Variants in CDH4 observed in about 807,000 individuals in gnomAD.
The protein encoded by CDH4 is cadherin-4.
In CDH4, 33 loss-of-function variants were observed where a neutral mutation model predicts 86.0. The observed-to-expected ratio is 0.38, with a 90% CI of 0.29 to 0.51. The LOEUF is 0.51. CDH4 is among the 20% of genes least tolerant of loss of function. The pLI is 0.86. For missense variants in CDH4, 1,114 were observed against 1,307.4 expected (o/e 0.85, Z 2.28); for synonymous variants, 555 against 549.4 (o/e 1.01, Z -0.14).
At chr20:61,797,317 G>T (rs763281826) in intron 4 of CDH4, among the ~76,000 whole-genome samples, 4 of 152,098 alleles carry the variant, frequency 2.6e-5, no homozygotes, top group Non-Finnish European at 4.4e-5. Flanking sequence ...GAAGGCTCAC[G>T]CCATCCACTG....
At chr20:61,882,275 C>T (rs886195133) in intron 7 of CDH4, among the ~76,000 whole-genome samples, 1 of 152,212 alleles carries the variant, frequency 6.6e-6, no homozygotes, top group African/African-American at 2.4e-5. Flanking sequence ...CAGGATGGCA[C>T]CATGACGTGA....
chr20:61,464,596 C>T (rs747494296), intron 2 of CDH4, among the ~76,000 whole-genome samples: 9 of 152,180 alleles, frequency 5.9e-5, no homozygotes, highest in Non-Finnish European at 1.2e-4. Flanking sequence ...TTGATTTGGG[C>T]AATTTTGGAC....
intron 2 of CDH4, among the ~76,000 whole-genome samples, chr20:61,693,434 G>A (rs955058817): frequency 6.6e-6 from 1 of 152,186 alleles, no homozygotes; most frequent in South Asian, 2.1e-4. Flanking sequence ...TTGAGCAAAG[G>A]TAATTCTGTG....
At chr20:61,725,335 G>A (rs972659108) in intron 2 of CDH4, among the ~76,000 whole-genome samples, 3 of 152,182 alleles carry the variant, frequency 2.0e-5, no homozygotes, top group Admixed American at 6.5e-5. Context: ...CAGTACACAC[G>A]CACATGCATA....
At chr20:61,787,526 G>A (rs1253066166) in intron 4 of CDH4, among the ~76,000 whole-genome samples, 2 of 152,142 alleles carry the variant, frequency 1.3e-5, no homozygotes, top group African/African-American at 2.4e-5. Flanking sequence ...AGGGATTATG[G>A]GAACTACAAT....
intron 2 of CDH4, among the ~76,000 whole-genome samples, chr20:61,567,456 G>A (rs1020981115): frequency 2.6e-5 from 4 of 152,274 alleles, no homozygotes; most frequent in Middle Eastern, 6.8e-3. Flanking sequence ...AAGGGGAGAG[G>A]GATCTCTCTG....
At chr20:61,884,468 G>T (rs1984442386) in intron 7 of CDH4, among the ~76,000 whole-genome samples, 1 of 152,156 alleles carries the variant, frequency 6.6e-6, no homozygotes, top group Non-Finnish European at 1.5e-5. Flanking sequence ...GTTTAAAGGG[G>T]TGAGCAGGGT....
intron 2 of CDH4, among the ~76,000 whole-genome samples, chr20:61,448,428 C>T (rs2085363762): frequency 6.6e-6 from 1 of 152,222 alleles, no homozygotes. Flanking sequence ...GCTACTCGCA[C>T]CCAACAGAGT....
At chr20:61,385,938 A>C (rs1157685434) in intron 2 of CDH4, among the ~76,000 whole-genome samples, 3 of 152,146 alleles carry the variant, frequency 2.0e-5, no homozygotes, top group Non-Finnish European at 4.4e-5. Context: ...GTAAGGATTT[A>C]ATGCCTGGCA....
At chr20:61,384,603 CT>C (rs1264545883) in intron 2 of CDH4, among the ~76,000 whole-genome samples, 4 of 152,128 alleles carry the variant, frequency 2.6e-5, no homozygotes, top group Admixed American at 1.3e-4. Context: ...TTTCTAATCC[CT>C]TAGTCTCTCT....
intron 2 of CDH4, among the ~76,000 whole-genome samples, chr20:61,477,971 G>A (rs2085548683): frequency 6.6e-6 from 1 of 152,322 alleles, no homozygotes; most frequent in South Asian, 2.1e-4. Context: ...TGGAAAGTAA[G>A]ACACCAACAT....
At chr20:61,476,976 ACAGAGAGGCCAGC>A (rs1342280585) in intron 2 of CDH4, among the ~76,000 whole-genome samples, 4 of 152,204 alleles carry the variant, frequency 2.6e-5, no homozygotes, top group East Asian at 1.9e-4. Context: ...CCCGGGAGAG[ACAGAGAGGCCAGC>A]CAGAGGTGAC....
chr20:61,919,187 T>A (rs1253953410), intron 9 of CDH4, among the ~76,000 whole-genome samples: 3 of 152,240 alleles, frequency 2.0e-5, no homozygotes, highest in Non-Finnish European at 4.4e-5. Context: ...ATGTGATTTT[T>A]AAATTTCTTC....
chr20:61,384,886 ATGTTTGCAGTTC>A lies in CDH4; in HGVS notation c.169+129952_169+129963del, dbSNP rs1305775157. On this transcript the variant is annotated intron_variant, in intron 2 of 15. Coordinates refer to ENST00000614565, the MANE Select transcript of CDH4 (RefSeq NM_001794.5). ...CTAAGTCTGATCCCTCTCAGTCCTGATGTTTGCAGTTCTGATTCTATTGTCTGAGGTTTCTAC... is the reference window on the plus strand; with the variant it reads ...CTAAGTCTGATCCCTCTCAGTCCTGATGATTCTATTGTCTGAGGTTTCTAC... Among the ~76,000 whole-genome samples the A allele has an allele frequency of 6.6e-5, 10 of 152,238 alleles. No individual in the cohort carries two copies. The East Asian group carries it at 1.9e-3, about 29-fold the overall frequency.
At chr20:61,928,717 G>A (rs1186329900) in intron 12 of CDH4, among the ~76,000 whole-genome samples, 3 of 152,236 alleles carry the variant, frequency 2.0e-5, no homozygotes, top group African/African-American at 7.2e-5. Context: ...CCGGTTGTCA[G>A]TTGACTGGAC....
rs187814202 is a variant in CDH4 at position 61,667,512 on chromosome 20, G to A, written c.170-76051G>A. Among the ~76,000 whole-genome samples, 291 of 152,350 alleles carry A rather than the reference G, an allele frequency of 1.9e-3. 3 individuals are homozygous for A. The highest frequency in any genetic ancestry group is 6.4e-3 in the African/African-American group (266 of 41,584). ...AAACCTGTTTCCAGAGAGGGTGGCC[G>A]GCACCAGATGCTGGCATAATGCGCC... On this transcript the variant is annotated intron_variant, in intron 2 of 15. Transcript: ENST00000614565.
At chr20:61,449,677 T>A (rs900921547) in intron 2 of CDH4, among the ~76,000 whole-genome samples, 1 of 152,202 alleles carries the variant, frequency 6.6e-6, no homozygotes, top group African/African-American at 2.4e-5. Context: ...GAACTTGAAA[T>A]CACCACTGCT....
intron 2 of CDH4, among the ~76,000 whole-genome samples, chr20:61,699,226 A>G (rs1416069393): frequency 6.6e-6 from 1 of 152,206 alleles, no homozygotes; most frequent in African/African-American, 2.4e-5. Context: ...CCTTCGGTAA[A>G]GGTCACGGTG....
At chr20:61,844,527 T>C in intron 4 of CDH4, 141 bp from the exon 5 acceptor site, 1 of 754,756 alleles carries the variant, frequency 1.3e-6, no homozygotes. Flanking sequence ...CCAAAGTGGA[T>C]GAAAGATCAG....
Sources: gnomAD v4.1 joint callset for allele counts (sites outside exome capture counted in the v4.1 genomes callset) on GRCh38, gnomAD v4.1.1 for gene constraint, MANE v1.5 for transcripts, NCBI Gene and HGNC (gene_info 2026-07-23, HGNC 2026-07-21) for gene names.